Variants in TMEM268 observed in about 807,000 individuals in gnomAD.
TMEM268 encodes the protein transmembrane protein C9orf91.
In TMEM268, 24 loss-of-function variants were observed where a neutral mutation model predicts 39.1. The observed-to-expected ratio is 0.61, with a 90% CI of 0.44 to 0.86. The LOEUF (loss-of-function observed/expected upper bound fraction) is 0.86, where lower values mean the gene tolerates loss of function less well. TMEM268 is among the 40% of genes least tolerant of loss of function. TMEM268 has a pLI of 0.00. For missense variants in TMEM268, 409 were observed against 428.6 expected, an observed-to-expected ratio of 0.95 and a Z score of 0.40; for synonymous variants, 176 against 173.5, an observed-to-expected ratio of 1.01 and a Z score of -0.12.
At chr9:114,607,612 G>A (rs748827813), upstream of TMEM268, among the ~76,000 whole-genome samples, 1 of 152,168 alleles carries the variant, frequency 6.6e-6, no homozygotes, top group African/African-American at 2.4e-5. Context: ...CCAAGATCGC[G>A]CTGCTGTACT....
rs1053326989 is a variant in TMEM268, at chr9:114,645,468, A to G, written c.*2155A>G. ...TTCTGTGTGCCAGAGAAGAGAGATC[A>G]TGGGTATAGACCAGCCCCTGGAAAG... On this transcript the variant is annotated 3_prime_UTR_variant, in exon 9 of 9. Transcript: ENST00000288502. The G allele has an allele frequency of 1.3e-5, 2 of 152,370 alleles. No homozygotes were observed. The highest frequency in any genetic ancestry group is 4.8e-5 in the African/African-American group (2 of 41,452). 9.4% of individuals were successfully genotyped at this position (152,370 alleles called of 1,614,324 possible).
At chr9:114,626,872 T>A in intron 3 of TMEM268, 27 bp from the exon 4 acceptor site, 1 of 1,555,052 alleles carries the variant, frequency 6.4e-7, no homozygotes, top group Non-Finnish European at 8.9e-7. Context: ...TGCGGCTGAT[T>A]GATCTCTTTC....
At chr9:114,626,024 A>C (rs998425391) in intron 3 of TMEM268, among the ~76,000 whole-genome samples, 2 of 151,384 alleles carry the variant, frequency 1.3e-5, no homozygotes, top group Admixed American at 6.6e-5. Flanking sequence ...ACAGGGTTTC[A>C]CCATGTTGGC....
At chr9:114,620,365 C>G (rs866085632) in intron 2 of TMEM268, among the ~76,000 whole-genome samples, 2 of 152,140 alleles carry the variant, frequency 1.3e-5, no homozygotes, top group Non-Finnish European at 2.9e-5. Flanking sequence ...CTACCCTAGT[C>G]TCCCGAGTAG....
intron 6 of TMEM268, among the ~76,000 whole-genome samples, chr9:114,636,554 G>A (rs974494133): frequency 6.6e-6 from 1 of 151,136 alleles, no homozygotes; most frequent in African/African-American, 2.4e-5. Flanking sequence ...AGGCTGGAGT[G>A]CAGTGGTGTG....
chr9:114,633,656 G>A, intron 5 of TMEM268, 112 bp from the exon 6 acceptor site: 1 of 549,700 alleles, frequency 1.8e-6, no homozygotes, highest in Admixed American at 3.6e-5. Context: ...TCCTGAGGGT[G>A]GGGATTGTCC....
At chr9:114,642,442 A>G (rs1435904846) in intron 8 of TMEM268, among the ~76,000 whole-genome samples, 4 of 152,032 alleles carry the variant, frequency 2.6e-5, no homozygotes, top group Non-Finnish European at 5.9e-5. Flanking sequence ...AAAGAAATCT[A>G]CCAGGTACCT....
At chr9:114,622,025 G>C in intron 2 of TMEM268, 7 of 926,046 alleles carry the variant, frequency 7.6e-6, no homozygotes, top group African/African-American at 1.8e-5. Context: ...CCACTTAGGA[G>C]GCTACTGCAG....
chr9:114,632,354 C>T (rs1412680762), intron 5 of TMEM268, among the ~76,000 whole-genome samples: 4 of 152,198 alleles, frequency 2.6e-5, no homozygotes, highest in Non-Finnish European at 4.4e-5. Flanking sequence ...ATCCCTGTGA[C>T]AACCAAAGGG....
chr9:114,623,136 A>G (rs1325315157), intron 2 of TMEM268, among the ~76,000 whole-genome samples: 1 of 152,056 alleles, frequency 6.6e-6, no homozygotes, highest in Non-Finnish European at 1.5e-5. Context: ...CAAACCAACC[A>G]CAGATTTGTT....
At chr9:114,607,665 A>C (rs1324379605), upstream of TMEM268, among the ~76,000 whole-genome samples, 1 of 152,032 alleles carries the variant, frequency 6.6e-6, no homozygotes, top group Non-Finnish European at 1.5e-5. Context: ...AAAAAATAAA[A>C]ACACACAAAG....
intron 1 of TMEM268, among the ~76,000 whole-genome samples, chr9:114,612,851 G>A (rs1052677152): frequency 1.9e-4 from 29 of 152,220 alleles, no homozygotes; most frequent in Non-Finnish European, 1.5e-5. Context: ...TCCCTAGCAG[G>A]GAGGGCTGAG....
chr9:114,605,369 A>G, the TMEM268 span, among the ~76,000 whole-genome samples: 1 of 152,048 alleles, frequency 6.6e-6, no homozygotes, highest in Non-Finnish European at 1.5e-5. Context: ...TTCTTGTGCA[A>G]ATACATGGGT....
intron 2 of TMEM268, 29 bp from the exon 3 acceptor site, chr9:114,624,321 G>A (rs1846068227): frequency 1.9e-6 from 3 of 1,570,178 alleles, no homozygotes; most frequent in Non-Finnish European, 2.6e-6. Flanking sequence ...TTATCACTCA[G>A]CCAGATGAAG....
intron 2 of TMEM268, among the ~76,000 whole-genome samples, chr9:114,623,346 A>G (rs1470521765): frequency 6.6e-6 from 1 of 152,030 alleles, no homozygotes; most frequent in Non-Finnish European, 1.5e-5. Context: ...GGGTTTCACC[A>G]TGTTGGCCAG....
intron 4 of TMEM268, 46 bp downstream of exon 4, chr9:114,627,052 T>C (rs777082214): frequency 2.2e-6 from 3 of 1,372,134 alleles, no homozygotes; most frequent in Admixed American, 3.4e-5. Flanking sequence ...TGACAGCTTA[T>C]GGCACCACCA....
chr9:114,617,251 C>G lies in TMEM268; in HGVS notation c.56C>G (p.Ser19Cys). The change falls in exon 2 of 9, where the codon TCC becomes TGC. Residue 19 changes from serine (S) to cysteine (C), a missense_variant. By Grantham distance (112) the Ser-to-Cys change is moderately radical. Coordinates refer to ENST00000288502, the MANE Select transcript of TMEM268 (RefSeq NM_153045.4). ...GCCACTGGCCCATTGCCCCCCTCCT[C>G]CCCTGGCTGGAGTGCCCTGCCTGGA... is the stretch of plus-strand genomic sequence containing the variant. ...PGATGPLPPS[S>C]PGWSALPGGS... is the part of the protein sequence containing the mutation. The G allele has an allele frequency of 6.2e-7, 1 of 1,613,380 alleles. No homozygotes were observed. The highest frequency in any genetic ancestry group is 8.5e-7 in the Non-Finnish European group (1 of 1,179,658).
intron 2 of TMEM268, 96 bp from the exon 3 acceptor site, chr9:114,624,254 C>T: frequency 6.6e-7 from 1 of 1,516,620 alleles, no homozygotes; most frequent in Non-Finnish European, 8.9e-7. Context: ...AGGAGGTTCT[C>T]ATGGCCAGAG....
chr9:114,609,721 AAAAGAAAAAG>A (rs1033920291), upstream of TMEM268, among the ~76,000 whole-genome samples: 1 of 126,642 alleles, frequency 7.9e-6, no homozygotes, highest in African/African-American at 3.4e-5. Flanking sequence ...AAGAAAAAGA[AAAAGAAAAAG>A]AAGGAAGGAA....
Sources: gnomAD v4.1 joint callset for allele counts (sites outside exome capture counted in the v4.1 genomes callset) on GRCh38, gnomAD v4.1.1 for gene constraint, MANE v1.5 for transcripts, NCBI Gene and HGNC (gene_info 2026-07-23, HGNC 2026-07-21) for gene names.